DCAF5: variants seen among roughly 807,000 people sequenced by gnomAD.
The protein encoded by DCAF5 is DDB1- and CUL4-associated factor 5.
Under a neutral mutation model 80.7 loss-of-function variants are expected in DCAF5, and 9 were observed. The ratio of observed to expected loss-of-function variants is 0.11; its 90% CI spans 0.07 to 0.19. DCAF5 has a LOEUF of 0.19. Among genes scored for constraint, DCAF5 ranks in the 10% least tolerant of loss-of-function variants. The pLI is 1.00. For missense variants in DCAF5, 842 were observed against 1,205.7 expected (o/e 0.70, Z 4.47); for synonymous variants, 433 against 461.9 (o/e 0.94, Z 0.80).
chr14:69,096,674 G>T (rs1291247686), intron 5 of DCAF5, among the ~76,000 whole-genome samples: 1 of 152,006 alleles, frequency 6.6e-6, no homozygotes, highest in African/African-American at 2.4e-5. Context: ...AACCAATCAA[G>T]ATCTCAAAGC....
chr14:69,146,274 C>A (rs1237576241), intron 1 of DCAF5, among the ~76,000 whole-genome samples: 3 of 152,164 alleles, frequency 2.0e-5, no homozygotes, highest in African/African-American at 7.2e-5. Flanking sequence ...ATAACAATGT[C>A]TAATGTGACT....
chr14:69,087,946 G>A (rs747976607), intron 6 of DCAF5, among the ~76,000 whole-genome samples: 5 of 152,198 alleles, frequency 3.3e-5, no homozygotes, highest in Non-Finnish European at 7.3e-5. Context: ...TAGGTATGGT[G>A]CACAGATTTG....
At chr14:69,069,147 T>C (rs1215286159) in intron 7 of DCAF5, among the ~76,000 whole-genome samples, 8 of 152,166 alleles carry the variant, frequency 5.3e-5, no homozygotes, top group Non-Finnish European at 1.2e-4. Context: ...AGTGAATACA[T>C]GTCTAGAAAA....
At position 69,054,454 on chromosome 14, in the gene DCAF5, G is replaced by A; in HGVS notation, c.2232C>T (p.Gly744=). 1 of 1,614,024 alleles carries A rather than the reference G, an allele frequency of 6.2e-7. No homozygotes were observed. Among genetic ancestry groups the A allele is most frequent in the Non-Finnish European group, 8.5e-7 (1 of 1,180,042 alleles). The change falls in exon 9 of 9, where the codon GGC becomes GGT. Residue 744 remains glycine (G), a synonymous_variant. Transcript: ENST00000341516. The part of the protein sequence containing the change: ...KEETPRTPSN[G]PGHEHSSHAW... ...CATGGCTGCTGTGCTCATGGCCTGG[G>A]CCATTGCTGGGAGTTCTAGGAGTCT...
chr14:69,099,377 A>T (rs2039871597), intron 5 of DCAF5, among the ~76,000 whole-genome samples: 1 of 151,566 alleles, frequency 6.6e-6, no homozygotes, highest in Non-Finnish European at 1.5e-5. Flanking sequence ...CCTGATCTCG[A>T]GGGGCAAGCA....
rs2037849769 is a variant in DCAF5 at position 69,054,020 on chromosome 14, G to A, written c.2666C>T (p.Ala889Val). The part of the protein sequence containing the change: ...LHKDCCGSEM[A>V]CETPNAGTRE... ...TGTTCCAGCATTGGGGGTCTCACAGGCCATTTCAGACCCGCAACAATCTTT... is the reference window on the plus strand; with the variant it reads ...TGTTCCAGCATTGGGGGTCTCACAGACCATTTCAGACCCGCAACAATCTTT... The change falls in exon 9 of 9, where the codon GCC (alanine) becomes GTC (valine). Residue 889 changes from alanine (A) to valine (V), a missense_variant. By Grantham distance (64) the Ala-to-Val change is moderately conservative. Around this residue, in one of 5 missense-constraint regions of DCAF5, gnomAD observed 607 missense variants for 656.6 expected, o/e 0.92. Coordinates refer to ENST00000341516, the MANE Select transcript of DCAF5 (RefSeq NM_003861.3). 6.2e-7 allele frequency: 1 copy of A among 1,612,790 alleles called. No homozygotes were observed. The highest frequency in any genetic ancestry group is 2.2e-5 in the East Asian group (1 of 44,838).
chr14:69,055,079 T>A lies in DCAF5; in HGVS notation c.1607A>T (p.Asn536Ile). 1 of 1,614,194 alleles carries A rather than the reference T, an allele frequency of 6.2e-7. No homozygotes were observed. The highest frequency in any genetic ancestry group is 8.5e-7 in the Non-Finnish European group (1 of 1,180,028). ...ALSNESDSEE[N>I]VCEVELDTDL... Reference sequence around the variant, plus strand: ...TGTGTCTAGTTCCACCTCACAGACATTCTCCTCAGAATCGGACTCATTGGA... The same window carrying A: ...TGTGTCTAGTTCCACCTCACAGACAATCTCCTCAGAATCGGACTCATTGGA... Residue 536 changes from asparagine (N) to isoleucine (I), a missense_variant, in exon 9 of 9, where the codon AAT becomes ATT. Physicochemically the swap from Asn to Ile is moderately radical, Grantham distance 149. Around this residue, in one of 5 missense-constraint regions of DCAF5, gnomAD observed 607 missense variants for 656.6 expected, o/e 0.92. Transcript: ENST00000341516. The surrounding 1 kb of genome is among the most constrained non-coding windows in gnomAD (Gnocchi z 5.6).
intron 5 of DCAF5, among the ~76,000 whole-genome samples, chr14:69,114,583 G>A (rs2040481342): frequency 2.0e-5 from 3 of 152,166 alleles, no homozygotes; most frequent in Admixed American, 6.5e-5. Flanking sequence ...CCTCTGGAGT[G>A]ACTACAGACA....
chr14:69,135,491 A>G lies in DCAF5; in HGVS notation c.215-13131T>C, dbSNP rs116142228. Among the ~76,000 whole-genome samples, 1,327 of 152,308 alleles carry G rather than the reference A, an allele frequency of 8.7e-3. 21 individuals are homozygous for G. The highest frequency in any genetic ancestry group is 0.03 in the African/African-American group (1,265 of 41,566). On this transcript the variant is annotated intron_variant, in intron 1 of 8. Coordinates refer to ENST00000341516, the MANE Select transcript of DCAF5 (RefSeq NM_003861.3). The stretch of plus-strand genomic sequence containing the variant: ...ATACCTATTTTGTGAAAAAGTATCT[A>G]TGAGATAGTTTGCATTGTGAGCTGA...
At chr14:69,104,504 A>G (rs753490068) in intron 5 of DCAF5, among the ~76,000 whole-genome samples, 3 of 152,156 alleles carry the variant, frequency 2.0e-5, no homozygotes, top group African/African-American at 7.2e-5. Flanking sequence ...AAGCTAGAAT[A>G]TAAGAAATTC....
At chr14:69,077,055 T>C (rs1381308004) in intron 6 of DCAF5, among the ~76,000 whole-genome samples, 4 of 152,236 alleles carry the variant, frequency 2.6e-5, no homozygotes, top group Non-Finnish European at 4.4e-5. Context: ...TTGTCTAACA[T>C]TGTCTAATAG....
rs770048229 is a variant in DCAF5, at chr14:69,104,021, A to C, written c.666-12134T>G. ...AATGAAGGACATGTGAGTAGTTTCC[A>C]GCTTTTGGTTATAAGGAATAAAGCT... is the stretch of plus-strand genomic sequence containing the variant. On this transcript the variant is annotated intron_variant, in intron 5 of 8. Coordinates refer to ENST00000341516, the MANE Select transcript of DCAF5 (RefSeq NM_003861.3). 4.6e-5 allele frequency among the ~76,000 whole-genome samples: 7 copies of C among 152,202 alleles called. 1 individual carries two copies. Among genetic ancestry groups the C allele is most frequent in the Non-Finnish European group, 8.8e-5 (6 of 68,036 alleles).
chr14:69,141,691 T>G (rs1254693893), intron 1 of DCAF5, among the ~76,000 whole-genome samples: 1 of 152,158 alleles, frequency 6.6e-6, no homozygotes, highest in Non-Finnish European at 1.5e-5. Flanking sequence ...GGCAGGCAGG[T>G]GACGTAGAGT....
intron 8 of DCAF5, among the ~76,000 whole-genome samples, chr14:69,059,619 A>G (rs1033865428): frequency 6.6e-6 from 1 of 152,186 alleles, no homozygotes. Flanking sequence ...AGTAATTCCA[A>G]TTGAGATGAG....
chr14:69,073,434 G>C (rs1014457670), intron 7 of DCAF5, among the ~76,000 whole-genome samples: 1 of 152,128 alleles, frequency 6.6e-6, no homozygotes, highest in African/African-American at 2.4e-5. Flanking sequence ...CACCCAGTCT[G>C]TGATACTTCG....
chr14:69,097,472 T>C (rs1329867043), intron 5 of DCAF5, among the ~76,000 whole-genome samples: 1 of 152,148 alleles, frequency 6.6e-6, no homozygotes, highest in Non-Finnish European at 1.5e-5. Flanking sequence ...CATTAAACAA[T>C]AATTAGCACC....
intron 5 of DCAF5, among the ~76,000 whole-genome samples, chr14:69,103,489 G>T (rs1163486181): frequency 6.6e-6 from 1 of 152,162 alleles, no homozygotes; most frequent in Admixed American, 6.5e-5. Context: ...AGAACGTCCT[G>T]TGCATCCTTT....
Position 69,054,181 on chromosome 14 carries a change from T to C in DCAF5, c.2505A>G (p.Gly835=), listed in dbSNP as rs770179573. 3 of 1,614,124 alleles carry C rather than the reference T, an allele frequency of 1.9e-6. No homozygotes were observed. Among genetic ancestry groups the C allele is most frequent in the Non-Finnish European group, 2.5e-6 (3 of 1,180,038 alleles). ...GGTGAGGGGGACGAGGGTGTAAGCGTCCATTGTTGTGGTTGGCACAGATGG... is the reference window on the plus strand; with the variant it reads ...GGTGAGGGGGACGAGGGTGTAAGCGCCCATTGTTGTGGTTGGCACAGATGG... ...LETICANHNN[G]RLHPRPPHPH... is the part of the protein sequence containing the mutation. Residue 835 remains glycine (G), a synonymous_variant, in exon 9 of 9, where the codon GGA becomes GGG. Coordinates refer to ENST00000341516, the MANE Select transcript of DCAF5 (RefSeq NM_003861.3).
In DCAF5 at chr14:69,118,928, G is replaced by C. The variant is rs932081916; in HGVS notation, c.395+266C>G. On this transcript the variant is annotated intron_variant, in intron 3 of 8. Coordinates refer to ENST00000341516, the MANE Select transcript of DCAF5 (RefSeq NM_003861.3). The surrounding 1 kb of genome is among the most constrained non-coding windows in gnomAD (Gnocchi z 4.0). ...GCTATTACTGTTCTTAAATATTATG[G>C]TTCCTTCTCTTCTAAACTCTTGTTT... 2.0e-5 allele frequency among the ~76,000 whole-genome samples: 3 copies of C among 152,126 alleles called. No individual in the cohort carries two copies. The South Asian group carries it at 6.2e-4, about 31-fold the overall frequency.
Sources: gnomAD v4.1 joint callset for allele counts (sites outside exome capture counted in the v4.1 genomes callset) on GRCh38, gnomAD v4.1.1 for gene constraint, gnomAD v4.1.1 regional missense constraint, Gnocchi (gnomAD v3.1) non-coding constraint, MANE v1.5 for transcripts, NCBI Gene and HGNC (gene_info 2026-07-23, HGNC 2026-07-21) for gene names.